The following SPOCK1 variants were observed in gnomAD, a reference collection of about 807,000 sequenced individuals.
The protein encoded by SPOCK1 is SPARC (osteonectin), cwcv and kazal like domains proteoglycan 1, also known as testican-1.
Under a neutral mutation model 55.3 loss-of-function variants are expected in SPOCK1, and 23 were observed. That is an observed-to-expected ratio of 0.42 (90% CI 0.30 to 0.59). The LOEUF is 0.59. Among genes scored for constraint, SPOCK1 ranks in the 20% least tolerant of loss-of-function variants. The pLI is 0.22. For missense variants in SPOCK1, 499 were observed against 552.5 expected (o/e 0.90, Z 0.97); for synonymous variants, 226 against 221.0 (o/e 1.02, Z -0.20).
Position 137,453,891 on chromosome 5 carries a change from G to A in SPOCK1, c.186+44482C>T, listed in dbSNP as rs987593549. ...CTTAGAGGTCTAATGTGATTGTAGT[G>A]GAGTCCCCTTATTCCCTGGGTTTCA... On this transcript the variant is annotated intron_variant, in intron 2 of 10. Transcript: ENST00000394945. 2.6e-5 allele frequency among the ~76,000 whole-genome samples: 4 copies of A among 152,038 alleles called. No homozygotes were observed. The South Asian group carries it at 8.3e-4, about 32-fold the overall frequency.
At chr5:137,167,122 A>G (rs1754662604) in intron 3 of SPOCK1, among the ~76,000 whole-genome samples, 1 of 152,096 alleles carries the variant, frequency 6.6e-6, no homozygotes, top group African/African-American at 2.4e-5. Context: ...AGGGATGGAA[A>G]GAGATATTTC....
chr5:137,046,645 G>C (rs1324825585), intron 6 of SPOCK1, among the ~76,000 whole-genome samples: 2 of 50,294 alleles, frequency 4.0e-5, no homozygotes, highest in Admixed American at 2.5e-4. Flanking sequence ...TCTCCTGCCT[G>C]ATTGCCCTGG....
At chr5:137,297,235 T>A (rs1757506693) in intron 2 of SPOCK1, among the ~76,000 whole-genome samples, 1 of 152,206 alleles carries the variant, frequency 6.6e-6, no homozygotes, top group Admixed American at 6.5e-5. Flanking sequence ...TGTCTACTTA[T>A]CTCCCTTTAA....
intron 4 of SPOCK1, among the ~76,000 whole-genome samples, chr5:137,138,117 A>G (rs1361712056): frequency 1.3e-5 from 2 of 152,258 alleles, no homozygotes; most frequent in Admixed American, 1.3e-4. Flanking sequence ...CAGATAAGGA[A>G]GCACAAATTC....
At chr5:136,992,364 C>T in intron 7 of SPOCK1, 120 bp downstream of exon 7, 1 of 790,840 alleles carries the variant, frequency 1.3e-6, no homozygotes. Flanking sequence ...GAGATTGGGA[C>T]ATATTTAAAG....
At chr5:137,299,538 T>C (rs2905547) in intron 2 of SPOCK1, among the ~76,000 whole-genome samples, 128,512 of 151,950 alleles carry the variant, frequency 0.85, 54,553 homozygotes, top group African/African-American at 0.9. Flanking sequence ...GGTACAACTG[T>C]CTTTTAGCCT....
intron 2 of SPOCK1, among the ~76,000 whole-genome samples, chr5:137,446,140 G>T (rs1753122173): frequency 6.6e-6 from 1 of 152,054 alleles, no homozygotes; most frequent in Admixed American, 6.6e-5. Flanking sequence ...GGACTTAAAT[G>T]TCACACCAAA....
intron 4 of SPOCK1, among the ~76,000 whole-genome samples, chr5:137,132,130 G>A (rs1469723724): frequency 7.6e-6 from 1 of 131,638 alleles, no homozygotes; most frequent in African/African-American, 2.9e-5. Context: ...AGCAGATATA[G>A]TGCCACTGCA....
chr5:137,026,739 C>CCA (rs1751683643), intron 6 of SPOCK1, among the ~76,000 whole-genome samples: 1 of 152,200 alleles, frequency 6.6e-6, no homozygotes, highest in Admixed American at 6.5e-5. Flanking sequence ...CACAGTCAAT[C>CCA]CAAAGCTGCC....
At chr5:137,329,837 A>G (rs1326300974) in intron 2 of SPOCK1, among the ~76,000 whole-genome samples, 1 of 152,162 alleles carries the variant, frequency 6.6e-6, no homozygotes, top group Non-Finnish European at 1.5e-5. Context: ...ACCTAAATGA[A>G]TCTAGGTAAG....
chr5:137,446,964 T>C (rs1753142210), intron 2 of SPOCK1, among the ~76,000 whole-genome samples: 1 of 152,226 alleles, frequency 6.6e-6, no homozygotes, highest in African/African-American at 2.4e-5. Context: ...TCCATCCATG[T>C]TGTAACATGT....
At chr5:137,349,549 T>A (rs1370816365) in intron 2 of SPOCK1, among the ~76,000 whole-genome samples, 1 of 152,174 alleles carries the variant, frequency 6.6e-6, no homozygotes, top group Non-Finnish European at 1.5e-5. Context: ...ACTGAGTGGC[T>A]TAGCACAGAA....
At chr5:137,050,905 A>G (rs535675693) in intron 6 of SPOCK1, among the ~76,000 whole-genome samples, 136 of 152,344 alleles carry the variant, frequency 8.9e-4, no homozygotes, top group Admixed American at 2.1e-3. Flanking sequence ...TCTGAAAGAA[A>G]ACTGCAGACG....
At chr5:137,037,831 G>A (rs2126989467) in intron 6 of SPOCK1, among the ~76,000 whole-genome samples, 1 of 152,364 alleles carries the variant, frequency 6.6e-6, no homozygotes, top group African/African-American at 2.4e-5. Flanking sequence ...AGCAGGGAGA[G>A]GTGACCCAGG....
At chr5:137,030,879 C>T (rs1482393074) in intron 6 of SPOCK1, among the ~76,000 whole-genome samples, 1 of 152,116 alleles carries the variant, frequency 6.6e-6, no homozygotes, top group Non-Finnish European at 1.5e-5. Flanking sequence ...GCTATGCAGC[C>T]CTTTAAAATC....
Position 137,491,355 on chromosome 5 carries a change from T to A in SPOCK1, c.186+7018A>T, listed in dbSNP as rs147815613. On this transcript the variant is annotated intron_variant, in intron 2 of 10. Coordinates refer to ENST00000394945, the MANE Select transcript of SPOCK1 (RefSeq NM_004598.4). ...CTCAACAGCACTGCATTTGTTATTATCCATCATCATTTTCAATTACTAATA... is the reference window on the plus strand; with the variant it reads ...CTCAACAGCACTGCATTTGTTATTAACCATCATCATTTTCAATTACTAATA... Among the ~76,000 whole-genome samples, 109 of 152,284 alleles carry A rather than the reference T, an allele frequency of 7.2e-4. 1 individual carries two copies. Among genetic ancestry groups the A allele is most frequent in the Non-Finnish European group, 1.3e-3 (87 of 68,024 alleles).
intron 2 of SPOCK1, among the ~76,000 whole-genome samples, chr5:137,335,910 T>C (rs563400471): frequency 2.6e-4 from 40 of 152,314 alleles, no homozygotes; most frequent in South Asian, 1.9e-3. Flanking sequence ...ACAGCCTATC[T>C]GTACAAATGC....
chr5:137,362,475 G>A (rs1048868761), intron 2 of SPOCK1, among the ~76,000 whole-genome samples: 10 of 151,526 alleles, frequency 6.6e-5, no homozygotes, highest in South Asian at 2.1e-4. Context: ...AACTACAGGC[G>A]CCCGCCACCA....
At chr5:137,075,389 G>T (rs145731469) in intron 5 of SPOCK1, among the ~76,000 whole-genome samples, 1 of 152,268 alleles carries the variant, frequency 6.6e-6, no homozygotes, top group East Asian at 1.9e-4. Context: ...GGCTCTCGGG[G>T]CAGGGACTGG....
Sources: gnomAD v4.1 joint callset for allele counts (sites outside exome capture counted in the v4.1 genomes callset) on GRCh38, gnomAD v4.1.1 for gene constraint, MANE v1.5 for transcripts, NCBI Gene and HGNC (gene_info 2026-07-23, HGNC 2026-07-21) for gene names.